The following ODAD4 variants were observed in gnomAD, a reference collection of about 807,000 sequenced individuals.
The protein encoded by ODAD4 is outer dynein arm-docking complex subunit 4.
In ODAD4, 49 loss-of-function variants were observed where a neutral mutation model predicts 51.8. The ratio of observed to expected loss-of-function variants is 0.95; its 90% CI spans 0.75 to 1.20. The LOEUF is 1.20. Ranked by LOEUF, ODAD4 falls within the 50% of genes most tolerant of loss-of-function variation. The pLI is 0.00. For missense variants in ODAD4, 590 were observed against 586.5 expected (o/e 1.01, Z -0.06); for synonymous variants, 235 against 221.3 (o/e 1.06, Z -0.55).
At chr17:41,944,053 C>T (rs1035988276) in intron 7 of ODAD4, among the ~76,000 whole-genome samples, 6 of 152,068 alleles carry the variant, frequency 3.9e-5, no homozygotes, top group Admixed American at 6.6e-5. Context: ...CAAAATTAGC[C>T]AGGCGTGGTG....
chr17:41,950,927 C>T (rs1469121049), intron 9 of ODAD4, among the ~76,000 whole-genome samples: 1 of 150,862 alleles, frequency 6.6e-6, no homozygotes, highest in Admixed American at 6.6e-5. Flanking sequence ...TCAGGCTGGT[C>T]TCGAACTTCT....
intron 1 of ODAD4, 123 bp downstream of exon 1, chr17:41,930,960 C>G (rs1369195615): frequency 1.7e-6 from 1 of 582,392 alleles, no homozygotes; most frequent in Non-Finnish European, 2.8e-6. Flanking sequence ...ATGGCACGAT[C>G]TCGGCTCGCC....
chr17:41,964,727 C>T (rs1555642257), intron 11 of ODAD4, among the ~76,000 whole-genome samples: 1 of 151,910 alleles, frequency 6.6e-6, no homozygotes, highest in Non-Finnish European at 1.5e-5. Context: ...CATCACAGCC[C>T]CAACCTCCTG....
In ODAD4 at chr17:41,965,368, T is replaced by C; in HGVS notation, c.1904T>C (p.Leu635Pro). 1.3e-6 allele frequency: 1 copy of C among 780,298 alleles called. No homozygotes were observed. The highest frequency in any genetic ancestry group is 2.4e-6 in the Non-Finnish European group (1 of 417,874). 48.3% of individuals were successfully genotyped at this position (780,298 alleles called of 1,614,324 possible). Residue 635 changes from leucine to proline, a missense_variant, in exon 12 of 12, where the codon CTA becomes CCA. By Grantham distance (98) the Leu-to-Pro change is moderately conservative (BLOSUM62 -3). Coordinates refer to ENST00000377540, the MANE Select transcript of ODAD4 (RefSeq NM_031421.5). ...GEFSRQEPEELKKLSEVGRRE... is the reference protein window; with the variant it reads ...GEFSRQEPEEPKKLSEVGRRE... Reference sequence around the variant, plus strand: ...TTCAGCAGACAGGAACCAGAAGAACTAAAGAAACTTTCAGAAGTGGGCAGA... The same window carrying C: ...TTCAGCAGACAGGAACCAGAAGAACCAAAGAAACTTTCAGAAGTGGGCAGA...
chr17:41,944,058 G>A (rs1171587935), intron 7 of ODAD4, among the ~76,000 whole-genome samples: 4 of 152,224 alleles, frequency 2.6e-5, no homozygotes, highest in East Asian at 1.9e-4. Flanking sequence ...TTAGCCAGGC[G>A]TGGTGGCACA....
chr17:41,954,341 A>G (rs377239867), intron 9 of ODAD4, among the ~76,000 whole-genome samples: 48 of 152,050 alleles, frequency 3.2e-4, no homozygotes, highest in African/African-American at 1.2e-3. Flanking sequence ...GCTCAAATCA[A>G]TCACTCAATC....
At position 41,965,093 on chromosome 17, in the gene ODAD4, G is replaced by C. The variant is rs1185710120; in HGVS notation, c.1629G>C (p.Glu543Asp). 3 of 769,574 alleles carry C rather than the reference G, an allele frequency of 3.9e-6. No homozygotes were observed. Among genetic ancestry groups the C allele is most frequent in the Non-Finnish European group, 7.3e-6 (3 of 412,786 alleles). The allele number at this position is 769,574 out of a possible 1,614,324, so 47.7% of individuals were successfully genotyped here. A position where few individuals can be genotyped will look rare whatever the true frequency, so the allele number is the denominator to read the frequency against. ...EKVVKQWDHS[E>D]DEKETDEDDE... ...TGGTGAAGCAGTGGGACCATAGTGA[G>C]GATGAGAAAGAGACAGATGAGGACG... is the stretch of plus-strand genomic sequence containing the variant. The change falls in exon 12 of 12, where the codon GAG becomes GAC. Residue 543 changes from glutamate (E) to aspartate (D), a missense_variant. Glu to Asp is a conservative substitution (Grantham distance 45). Around this residue, in one of 3 missense-constraint regions of ODAD4, gnomAD observed 226 missense variants for 162.7 expected, o/e 1.39. Transcript: ENST00000377540.
intron 11 of ODAD4, among the ~76,000 whole-genome samples, chr17:41,962,059 G>T (rs1197511866): frequency 6.6e-6 from 1 of 152,230 alleles, no homozygotes; most frequent in Non-Finnish European, 1.5e-5. Context: ...CACAGAGACA[G>T]AATAACAGTA....
chr17:41,944,426 ACACACACACACACACACACCC>A (rs782648494), intron 7 of ODAD4, among the ~76,000 whole-genome samples: 1,316 of 9,198 alleles, frequency 0.14, 41 homozygotes, highest in East Asian at 0.4. Context: ...ACACACACAC[ACACACACACACACACACACCC>A]CCCCGCATAC....
rs534246451 is a variant in ODAD4, at chr17:41,943,120, A to C, written c.1059-2016A>C. 2.6e-5 allele frequency among the ~76,000 whole-genome samples: 4 copies of C among 152,230 alleles called. No individual in the cohort carries two copies. In the South Asian group the frequency reaches 8.3e-4, roughly 32 times the overall value. The stretch of plus-strand genomic sequence containing the variant: ...GCAAAACCTGAAAGTTGTCCCCCGC[A>C]ACCCACTTCCCGTCACTTCCCAGGA... On this transcript the variant is annotated intron_variant, in intron 7 of 11. Transcript: ENST00000377540.
At chr17:41,963,444 C>A (rs2050831899) in intron 11 of ODAD4, among the ~76,000 whole-genome samples, 4 of 152,144 alleles carry the variant, frequency 2.6e-5, no homozygotes, top group African/African-American at 9.7e-5. Flanking sequence ...AACCTCCCAA[C>A]AAATAATGAA....
intron 1 of ODAD4, among the ~76,000 whole-genome samples, chr17:41,934,788 G>T (rs945011990): frequency 6.6e-6 from 1 of 152,266 alleles, no homozygotes; most frequent in African/African-American, 2.4e-5. Flanking sequence ...CTTAGCCTTT[G>T]AAATTTGCTT....
At chr17:41,938,445 CCAAGCAGAG>C in intron 5 of ODAD4, 103 bp from the exon 6 acceptor site, 1 of 851,200 alleles carries the variant, frequency 1.2e-6, no homozygotes, top group Non-Finnish European at 1.8e-6. Context: ...TTCAACAACT[CCAAGCAGAG>C]CAAGTTCACA....
At chr17:41,952,660 G>C (rs782147774) in intron 9 of ODAD4, 4 of 517,422 alleles carry the variant, frequency 7.7e-6, no homozygotes, top group Admixed American at 5.8e-5. Context: ...AGTCCCACTG[G>C]TCTTGAAAGG....
At chr17:41,954,266 C>T (rs868935693) in intron 9 of ODAD4, among the ~76,000 whole-genome samples, 2 of 151,870 alleles carry the variant, frequency 1.3e-5, no homozygotes, top group South Asian at 2.1e-4. Flanking sequence ...GGATTACAGA[C>T]GTGAGCCACC....
Position 41,938,558 on chromosome 17 carries a change from C to G in ODAD4, c.627C>G (p.Asp209Glu), listed in dbSNP as rs782628169. Residue 209 changes from aspartate (D) to glutamate (E), a missense_variant and splice_region_variant, in exon 6 of 12, where the codon GAC becomes GAG. Transcript: ENST00000377540. ...EYLEKLLLDEDLIKGTMKGGL... is the reference protein window; with the variant it reads ...EYLEKLLLDEELIKGTMKGGL... ...CCTCCTCACACCCCTTCCCCACAGA[C>G]CTGATCAAAGGCACCATGAAGGGCG... 1 of 1,613,642 alleles carries G rather than the reference C, an allele frequency of 6.2e-7. No individual in the cohort carries two copies. Among genetic ancestry groups the G allele is most frequent in the South Asian group, 1.1e-5 (1 of 91,066 alleles).
At chr17:41,952,540 C>CAAAAAA (rs11369140) in intron 9 of ODAD4, 41 of 113,850 alleles carry the variant, frequency 3.6e-4, no homozygotes, top group African/African-American at 1.5e-3. Flanking sequence ...ACCCTCACTC[C>CAAAAAA]AAAAAAAAAA....
chr17:41,938,603 C>A lies in ODAD4; in HGVS notation c.672C>A (p.Leu224=). Residue 224 remains leucine, a synonymous_variant, in exon 6 of 12, where the codon CTC becomes CTA. Coordinates refer to ENST00000377540, the MANE Select transcript of ODAD4 (RefSeq NM_031421.5). ...TMKGGLTVED[L]IMTGINYLDT... ...AGGGCGGCCTGACTGTGGAGGACCTCATCATGACGGGCATCAACTACCTGG... is the reference window on the plus strand; with the variant it reads ...AGGGCGGCCTGACTGTGGAGGACCTAATCATGACGGGCATCAACTACCTGG... 6.2e-7 allele frequency: 1 copy of A among 1,613,930 alleles called. No homozygotes were observed. Among genetic ancestry groups the A allele is most frequent in the East Asian group, 2.2e-5 (1 of 44,872 alleles).
chr17:41,938,618 C>T lies in ODAD4; in HGVS notation c.687C>T (p.Ile229=). The T allele has an allele frequency of 6.2e-7, 1 of 1,613,952 alleles. No individual in the cohort carries two copies. The highest frequency in any genetic ancestry group is 8.5e-7 in the Non-Finnish European group (1 of 1,179,894). The part of the protein sequence containing the change: ...LTVEDLIMTG[I]NYLDTHSNFW... ...TGGAGGACCTCATCATGACGGGCAT[C>T]AACTACCTGGATACTCACAGCAACT... Residue 229 remains isoleucine, a synonymous_variant, in exon 6 of 12, where the codon ATC becomes ATT. Coordinates refer to ENST00000377540, the MANE Select transcript of ODAD4 (RefSeq NM_031421.5).
Sources: gnomAD v4.1 joint callset for allele counts (sites outside exome capture counted in the v4.1 genomes callset) on GRCh38, gnomAD v4.1.1 for gene constraint, gnomAD v4.1.1 regional missense constraint, MANE v1.5 for transcripts, NCBI Gene and HGNC (gene_info 2026-07-23, HGNC 2026-07-21) for gene names.